CNNM4: variants seen among roughly 807,000 people sequenced by gnomAD.
CNNM4 encodes the protein cyclin and CBS domain divalent metal cation transport mediator 4.
CNNM4 carries 32 observed loss-of-function variants against 53.7 expected under a neutral mutation model. The observed-to-expected ratio is 0.60, with a 90% CI of 0.45 to 0.80. The LOEUF is 0.80. Ranked by LOEUF, CNNM4 falls within the 30% of genes least tolerant of loss-of-function variation. The probability of loss-of-function intolerance (pLI) is 0.00; values close to 1 mark genes in which losing one functional copy is unlikely to be tolerated. For synonymous variants in CNNM4, 410 were observed against 440.0 expected, an observed-to-expected ratio of 0.93 and a Z score of 0.85; for missense variants, 784 against 1,022.0, an observed-to-expected ratio of 0.77 and a Z score of 3.17.
rs369431180 is a variant in CNNM4, at chr2:96,809,398, A to C, written c.2209A>C (p.Thr737Pro). Reference sequence around the variant, plus strand: ...CCCTCAGTTTCCCATAGACGGGTGCACCACCCACATGGAGAACTTGGCCGA... The same window carrying C: ...CCCTCAGTTTCCCATAGACGGGTGCCCCACCCACATGGAGAACTTGGCCGA... The part of the protein sequence containing the change: ...NSPQFPIDGC[T>P]THMENLAEKS... Residue 737 changes from threonine (T) to proline (P), a missense_variant, in exon 7 of 7, where the codon ACC becomes CCC. Physicochemically the swap from Thr to Pro is conservative, Grantham distance 38. Transcript: ENST00000377075. 6 of 1,613,060 alleles carry C rather than the reference A, an allele frequency of 3.7e-6. No individual in the cohort carries two copies. The Admixed American group carries it at 5.0e-5, about 13-fold the overall frequency.
In CNNM4 at chr2:96,800,108, T is replaced by C. The variant is rs1253948382; in HGVS notation, c.1948+460T>C. 6.6e-6 allele frequency among the ~76,000 whole-genome samples: 1 copy of C among 151,642 alleles called. No individual in the cohort carries two copies. The highest frequency in any genetic ancestry group is 1.5e-5 in the Non-Finnish European group (1 of 67,914). ...TTTTCGGAGGACGCGGCTACTGGGT[T>C]TTGGTTAGAGGTCAGCTCCGATGGA... On this transcript the variant is annotated intron_variant, in intron 5 of 6. Transcript: ENST00000377075. This position sits in a 1 kb window ranked among gnomAD's most constrained non-coding sequence, Gnocchi z 4.6.
rs1036739341 is a variant in CNNM4 at position 96,761,224 on chromosome 2, C to A, written c.225C>A (p.Asn75Lys). The change falls in exon 1 of 7, where the codon AAC becomes AAA. Residue 75 changes from asparagine to lysine, a missense_variant. Coordinates refer to ENST00000377075, the MANE Select transcript of CNNM4 (RefSeq NM_020184.4). The surrounding 1 kb of genome is among the most constrained non-coding windows in gnomAD (Gnocchi z 6.0). Reference sequence around the variant, plus strand: ...TCGTGTCCGAGGGCAGCACCGTGAACCTGAGGCTGTACGGCTACAGCCTGG... The same window carrying A: ...TCGTGTCCGAGGGCAGCACCGTGAAACTGAGGCTGTACGGCTACAGCCTGG... ...IIFVSEGSTV[N>K]LRLYGYSLGN... 5 of 1,614,020 alleles carry A rather than the reference C, an allele frequency of 3.1e-6. No individual in the cohort carries two copies. Among genetic ancestry groups the A allele is most frequent in the Non-Finnish European group, 4.2e-6 (5 of 1,180,024 alleles).
chr2:96,802,858 A>T (rs1365153241), intron 5 of CNNM4, among the ~76,000 whole-genome samples: 1 of 152,050 alleles, frequency 6.6e-6, no homozygotes, highest in Non-Finnish European at 1.5e-5. Flanking sequence ...ATTCAGCTTG[A>T]GGCTTGCTGG....
intron 6 of CNNM4, 102 bp from the exon 7 acceptor site, chr2:96,809,218 C>A: frequency 6.4e-7 from 1 of 1,562,732 alleles, no homozygotes; most frequent in Non-Finnish European, 8.6e-7. Context: ...GTCATGTTCT[C>A]TCTCAACTCA....
At position 96,811,363 on chromosome 2, in the gene CNNM4, G is replaced by A. The variant is rs2079256517; in HGVS notation, c.*1846G>A. The A allele has an allele frequency of 6.6e-6, 1 of 152,376 alleles. No homozygotes were observed. The highest frequency in any genetic ancestry group is 6.5e-5 in the Admixed American group (1 of 15,284). The allele number at this position is 152,376 out of a possible 1,614,324, so 9.4% of individuals were successfully genotyped here. On this transcript the variant is annotated 3_prime_UTR_variant, in exon 7 of 7. Transcript: ENST00000377075. ...TCCTGACAGCCCTGACTGCCAGGTA[G>A]AGCAAAAGACATTGGTGGGGGTATG... is the stretch of plus-strand genomic sequence containing the variant.
intron 1 of CNNM4, among the ~76,000 whole-genome samples, chr2:96,768,569 G>A (rs1422552343): frequency 1.3e-5 from 2 of 152,176 alleles, no homozygotes; most frequent in African/African-American, 4.8e-5. Flanking sequence ...GTGAAAGTCT[G>A]AGGTTTCTAG....
At chr2:96,789,500 G>T (rs1337674038) in intron 1 of CNNM4, among the ~76,000 whole-genome samples, 1 of 152,102 alleles carries the variant, frequency 6.6e-6, no homozygotes, top group Non-Finnish European at 1.5e-5. Flanking sequence ...GGCTGCTGCT[G>T]GACAGAGGTC....
At chr2:96,784,170 G>A (rs2078997875) in intron 1 of CNNM4, among the ~76,000 whole-genome samples, 1 of 152,192 alleles carries the variant, frequency 6.6e-6, no homozygotes, top group Non-Finnish European at 1.5e-5. Context: ...AGGAGGCTGA[G>A]GCGGGAGAAT....
chr2:96,763,854 C>A (rs2078787854), intron 1 of CNNM4, among the ~76,000 whole-genome samples: 1 of 141,956 alleles, frequency 7.0e-6, no homozygotes, highest in African/African-American at 2.6e-5. Flanking sequence ...AGAGACAGAC[C>A]CCTAGTGGTG....
intron 1 of CNNM4, among the ~76,000 whole-genome samples, chr2:96,790,865 A>G (rs2079056600): frequency 6.6e-6 from 1 of 151,634 alleles, no homozygotes; most frequent in African/African-American, 2.4e-5. Flanking sequence ...CATGTCTGTA[A>G]TCCCAGCACT....
intron 1 of CNNM4, among the ~76,000 whole-genome samples, chr2:96,780,412 G>C (rs962213822): frequency 1.3e-5 from 2 of 149,502 alleles, no homozygotes; most frequent in African/African-American, 4.9e-5. Flanking sequence ...CTGCCCACTT[G>C]CTCTCCCTTT....
rs2079133081 is a variant in CNNM4, at chr2:96,799,047, C to T, written c.1682-10C>T. On this transcript the variant is annotated splice_polypyrimidine_tract_variant and intron_variant, in intron 3 of 6. Coordinates refer to ENST00000377075, the MANE Select transcript of CNNM4 (RefSeq NM_020184.4). ...GCCCCGTGTGAGGTCTCTTCTCTCT[C>T]CTCCTACAGAGGTCTCTCAGTTTAG... The T allele has an allele frequency of 1.2e-6, 2 of 1,613,824 alleles. No homozygotes were observed. Among genetic ancestry groups the T allele is most frequent in the Non-Finnish European group, 1.7e-6 (2 of 1,179,866 alleles).
chr2:96,770,653 C>T (rs11901393), intron 1 of CNNM4, among the ~76,000 whole-genome samples: 4,395 of 152,252 alleles, frequency 0.029, 215 homozygotes, highest in African/African-American at 0.1. Flanking sequence ...TGGGTGCCTT[C>T]TCTCTGCACC....
rs888851913 is a variant in CNNM4 at position 96,801,229 on chromosome 2, C to T, written c.1948+1581C>T. The stretch of plus-strand genomic sequence containing the variant: ...CTCCCCACATGGACCCGGACCCCCG[C>T]CTGCTCAATGTGGGCCGCCAGACCT... On this transcript the variant is annotated intron_variant, in intron 5 of 6. Transcript: ENST00000377075. This position sits in a 1 kb window ranked among gnomAD's most constrained non-coding sequence, Gnocchi z 5.6. 4 of 678,670 alleles carry T rather than the reference C, an allele frequency of 5.9e-6. No individual in the cohort carries two copies. The highest frequency in any genetic ancestry group is 5.5e-6 in the Non-Finnish European group (3 of 549,646). The allele number at this position is 678,670 out of a possible 1,614,324, so 42.0% of individuals were successfully genotyped here.
intron 1 of CNNM4, among the ~76,000 whole-genome samples, chr2:96,772,363 G>T (rs1356417614): frequency 7.5e-6 from 1 of 133,028 alleles, no homozygotes; most frequent in Non-Finnish European, 1.6e-5. Context: ...ACAGGCAGGT[G>T]CTCACACACA....
chr2:96,798,696 T>A lies in CNNM4; in HGVS notation c.1682-361T>A, dbSNP rs181724965. Among the ~76,000 whole-genome samples, 6 of 152,232 alleles carry A rather than the reference T, an allele frequency of 3.9e-5. No individual in the cohort carries two copies. In the East Asian group the frequency reaches 1.2e-3, roughly 29 times the overall value. Reference sequence around the variant, plus strand: ...TATTTTAGTATATATGGACAGCACATATATACTAAGTGCTGTCCATGTGCT... The same window carrying A: ...TATTTTAGTATATATGGACAGCACAAATATACTAAGTGCTGTCCATGTGCT... On this transcript the variant is annotated intron_variant, in intron 3 of 6. Transcript: ENST00000377075.
Position 96,809,304 on chromosome 2 carries a change from T to TC in CNNM4, c.2131-13dup, listed in dbSNP as rs1387586551. ...CCCAGCCCCTCCCTCCATGAACTCATCCCTTCCTCATGCAGATCACTCGGC... is the reference window on the plus strand; with the variant it reads ...CCCAGCCCCTCCCTCCATGAACTCATCCCCTTCCTCATGCAGATCACTCGGC... On this transcript the variant is annotated splice_polypyrimidine_tract_variant and intron_variant, in intron 6 of 6. Transcript: ENST00000377075. 1 of 1,613,788 alleles carries TC rather than the reference T, an allele frequency of 6.2e-7. No individual in the cohort carries two copies. Among genetic ancestry groups the TC allele is most frequent in the African/African-American group, 1.3e-5 (1 of 74,902 alleles).
intron 5 of CNNM4, among the ~76,000 whole-genome samples, chr2:96,805,500 T>G (rs1283465658): frequency 2.5e-4 from 32 of 126,466 alleles, no homozygotes; most frequent in African/African-American, 9.0e-4. Flanking sequence ...CACAGAGGGG[T>G]ATTTGGCAGG....
At chr2:96,770,426 G>A (rs1186363214) in intron 1 of CNNM4, among the ~76,000 whole-genome samples, 1 of 152,168 alleles carries the variant, frequency 6.6e-6, no homozygotes, top group African/African-American at 2.4e-5. Flanking sequence ...GGCCTGTCTC[G>A]TAAGTAAAAG....
Sources: gnomAD v4.1 joint callset for allele counts (sites outside exome capture counted in the v4.1 genomes callset) on GRCh38, gnomAD v4.1.1 for gene constraint, Gnocchi (gnomAD v3.1) non-coding constraint, MANE v1.5 for transcripts, NCBI Gene and HGNC (gene_info 2026-07-23, HGNC 2026-07-21) for gene names.